The following ATP10B variants were observed in gnomAD, a reference collection of about 807,000 sequenced individuals.
ATP10B encodes the protein ATPase phospholipid transporting 10B (putative), also known as phospholipid-transporting ATPase VB.
A neutral mutation model predicts 141.2 loss-of-function variants in ATP10B; 122 were observed. The ratio of observed to expected loss-of-function variants is 0.86; its 90% CI spans 0.75 to 1.00. ATP10B has a LOEUF of 1.00. Ranked by LOEUF, ATP10B falls within the 50% of genes least tolerant of loss-of-function variation. The probability of loss-of-function intolerance (pLI) is 0.00; values close to 1 mark genes in which losing one functional copy is unlikely to be tolerated. For synonymous variants in ATP10B, 685 were observed against 692.0 expected (o/e 0.99, Z 0.16); for missense variants, 1,876 against 1,825.3 (o/e 1.03, Z -0.51).
At chr5:160,857,001 T>C (rs1014900263), upstream of ATP10B, among the ~76,000 whole-genome samples, 3 of 151,832 alleles carry the variant, frequency 2.0e-5, no homozygotes, top group Non-Finnish European at 2.9e-5. Context: ...TTTATATTCA[T>C]GAAGGCTTTG....
chr5:160,661,081 G>C (rs1331215391), intron 7 of ATP10B, among the ~76,000 whole-genome samples: 1 of 152,102 alleles, frequency 6.6e-6, no homozygotes, highest in Non-Finnish European at 1.5e-5. Flanking sequence ...AGCTACTCTG[G>C]AGGCTGAGGC....
In ATP10B at chr5:160,563,208, C is replaced by G. The variant is rs1754346448; in HGVS notation, c.*2245G>C. On this transcript the variant is annotated 3_prime_UTR_variant, in exon 26 of 26. Transcript: ENST00000327245. The stretch of plus-strand genomic sequence containing the variant: ...AATATCATAAAAGTATAAAAATGTA[C>G]TAAGTACAATCATTAGCATTATGTT... 1 of 152,030 alleles carries G rather than the reference C, an allele frequency of 6.6e-6. No homozygotes were observed. Among genetic ancestry groups the G allele is most frequent in the Non-Finnish European group, 1.5e-5 (1 of 68,002 alleles). 9.4% of individuals were successfully genotyped at this position (152,030 alleles called of 1,614,324 possible).
At chr5:160,873,677 G>A in the ATP10B span, among the ~76,000 whole-genome samples, 8 of 152,198 alleles carry the variant, frequency 5.3e-5, no homozygotes, top group African/African-American at 1.7e-4. Context: ...GTGGGTGCAC[G>A]CACTGTGCGC....
the ATP10B span, among the ~76,000 whole-genome samples, chr5:160,885,122 G>A: frequency 6.6e-6 from 1 of 152,212 alleles, no homozygotes; most frequent in South Asian, 2.1e-4. Flanking sequence ...GGAATAGGCA[G>A]AGTATATAAA....
chr5:160,643,691 G>A (rs1300900697), intron 9 of ATP10B, among the ~76,000 whole-genome samples: 1 of 152,238 alleles, frequency 6.6e-6, no homozygotes, highest in Non-Finnish European at 1.5e-5. Flanking sequence ...TATAGGCAGT[G>A]CTGGATGCTT....
At position 160,664,949 on chromosome 5, in the gene ATP10B, G is replaced by A. The variant is rs1180444599; in HGVS notation, c.675+5514C>T. ...AAACTCTTTTACAGAAGAGGTTTCAGGTATCAGAATGTCACCAAAGAGAAA... is the reference window on the plus strand; with the variant it reads ...AAACTCTTTTACAGAAGAGGTTTCAAGTATCAGAATGTCACCAAAGAGAAA... On this transcript the variant is annotated intron_variant, in intron 7 of 25. Coordinates refer to ENST00000327245, the MANE Select transcript of ATP10B (RefSeq NM_025153.3). Among the ~76,000 whole-genome samples, 6 of 152,262 alleles carry A rather than the reference G, an allele frequency of 3.9e-5. No individual in the cohort carries two copies. The East Asian group carries it at 1.2e-3, about 29-fold the overall frequency.
At chr5:160,898,588 G>A in the ATP10B span, among the ~76,000 whole-genome samples, 1 of 152,180 alleles carries the variant, frequency 6.6e-6, no homozygotes, top group African/African-American at 2.4e-5. Flanking sequence ...ACAGTGTGAC[G>A]ATTCCTCAAG....
In ATP10B at chr5:160,622,530, A is replaced by T; in HGVS notation, c.1676T>A (p.Leu559Gln). 6.2e-7 allele frequency: 1 copy of T among 1,614,038 alleles called. No homozygotes were observed. The highest frequency in any genetic ancestry group is 8.5e-7 in the Non-Finnish European group (1 of 1,179,980). The change falls in exon 14 of 26, where the codon CTG (leucine) becomes CAG (glutamine). Residue 559 changes from leucine to glutamine, a missense_variant. Transcript: ENST00000327245. ...GCTGTCTGACAAGGTCTCCAACCAC[A>T]GGGCAGCATCTCGAACCTTGGTCAG... ...NLLTKVRDAA[L>Q]WLETLSDSRP...
At chr5:160,852,831 A>G (rs1372636302), upstream of ATP10B, among the ~76,000 whole-genome samples, 1 of 152,148 alleles carries the variant, frequency 6.6e-6, no homozygotes, top group Non-Finnish European at 1.5e-5. Flanking sequence ...AAGTTGCTGT[A>G]TTGATGGATA....
In ATP10B at chr5:160,824,884, T is replaced by C. The variant is rs997868060; in HGVS notation, c.-576+27057A>G. Among the ~76,000 whole-genome samples, 29 of 152,330 alleles carry C rather than the reference T, an allele frequency of 1.9e-4. 1 individual carries two copies. Among genetic ancestry groups the C allele is most frequent in the Admixed American group, 1.1e-3 (17 of 15,300 alleles). ...GATCTTTCTAGTCCCAATCCGCCAA[T>C]TGCTAGCTTTGGGCAAGCCACCTTC... On this transcript the variant is annotated intron_variant, in intron 1 of 25. Transcript: ENST00000327245.
chr5:160,902,322 G>A, the ATP10B span, among the ~76,000 whole-genome samples: 2 of 152,182 alleles, frequency 1.3e-5, no homozygotes, highest in Non-Finnish European at 2.9e-5. Flanking sequence ...GAGGGTTGAA[G>A]GACTGAGTGA....
intron 2 of ATP10B, among the ~76,000 whole-genome samples, chr5:160,732,333 G>A (rs1028302784): frequency 6.6e-6 from 1 of 152,156 alleles, no homozygotes; most frequent in Non-Finnish European, 1.5e-5. Context: ...TTTTGCTTTT[G>A]TTGGTTGTGC....
At chr5:160,897,563 T>C in the ATP10B span, among the ~76,000 whole-genome samples, 3 of 152,198 alleles carry the variant, frequency 2.0e-5, no homozygotes, top group African/African-American at 7.2e-5. Context: ...TGGAAAAACA[T>C]GTCATGCTCA....
chr5:160,783,697 G>C (rs546380251), intron 2 of ATP10B, among the ~76,000 whole-genome samples: 2 of 151,762 alleles, frequency 1.3e-5, no homozygotes, highest in East Asian at 3.9e-4. Context: ...CTATAAACGT[G>C]TGTGCAAGTA....
At chr5:160,700,206 T>C (rs1432584036) in intron 3 of ATP10B, among the ~76,000 whole-genome samples, 2 of 152,258 alleles carry the variant, frequency 1.3e-5, no homozygotes, top group Middle Eastern at 3.4e-3. Context: ...GGATCTGGGT[T>C]GGGGATTCAA....
chr5:160,740,740 G>A (rs988955490), intron 2 of ATP10B, among the ~76,000 whole-genome samples: 2 of 152,180 alleles, frequency 1.3e-5, no homozygotes, highest in Admixed American at 6.5e-5. Flanking sequence ...TTTCTTCAGC[G>A]ATTGCAAAGT....
In ATP10B at chr5:160,612,744, A is replaced by T; in HGVS notation, c.2835T>A (p.Asn945Lys). 6.2e-7 allele frequency: 1 copy of T among 1,612,528 alleles called. No individual in the cohort carries two copies. The highest frequency in any genetic ancestry group is 8.5e-7 in the Non-Finnish European group (1 of 1,179,042). Residue 945 changes from asparagine (N) to lysine (K), a missense_variant, in exon 18 of 26, where the codon AAT becomes AAA. Transcript: ENST00000327245. ...TDTVYTINTENQETCESILNC... is the reference protein window; with the variant it reads ...TDTVYTINTEKQETCESILNC... ...TCAATACAGAGAATCACCTCACCTG[A>T]TTCTCTGTATTGATGGTATAAACAG... is the stretch of plus-strand genomic sequence containing the variant.
At chr5:160,811,612 T>C (rs1450942109) in intron 1 of ATP10B, among the ~76,000 whole-genome samples, 1 of 151,954 alleles carries the variant, frequency 6.6e-6, no homozygotes, top group African/African-American at 2.4e-5. Context: ...CCCCTGCCTA[T>C]GGAAAGGGAA....
At chr5:160,566,375 C>T (rs1247730742) in intron 25 of ATP10B, among the ~76,000 whole-genome samples, 1 of 152,326 alleles carries the variant, frequency 6.6e-6, no homozygotes, top group East Asian at 1.9e-4. Flanking sequence ...ATTGCTCTGT[C>T]ATGTTAAGCC....
Sources: allele counts gnomAD v4.1 joint callset (sites outside exome capture counted in the v4.1 genomes callset), GRCh38; gene constraint gnomAD v4.1.1; transcripts MANE v1.5; gene names NCBI Gene and HGNC (gene_info 2026-07-23, HGNC 2026-07-21).